LTBP1: variants seen among roughly 807,000 people sequenced by gnomAD.
The protein encoded by LTBP1 is latent transforming growth factor beta binding protein 1, also known as latent-transforming growth factor beta-binding protein 1.
LTBP1 carries 129 observed loss-of-function variants against 207.6 expected under a neutral mutation model. The observed-to-expected ratio is 0.62, with a 90% CI of 0.54 to 0.72. The LOEUF is 0.72. Ranked by LOEUF, LTBP1 falls within the 30% of genes least tolerant of loss-of-function variation. The pLI, the probability that LTBP1 is intolerant of heterozygous loss-of-function variation, is 0.00. For synonymous variants in LTBP1, 963 were observed against 833.7 expected (o/e 1.16, Z -2.67); for missense variants, 2,281 against 2,217.2 (o/e 1.03, Z -0.58).
intron 22 of LTBP1, among the ~76,000 whole-genome samples, chr2:33,304,716 A>G (rs1344496888): frequency 6.6e-6 from 1 of 152,094 alleles, no homozygotes; most frequent in Admixed American, 6.5e-5. Flanking sequence ...ATCCCTCACT[A>G]AGGTTGCTCC....
rs140965667 is a variant in LTBP1 at position 33,092,070 on chromosome 2, T to C, written c.864-18512T>C. Among the ~76,000 whole-genome samples the C allele has an allele frequency of 1.3e-4, 20 of 152,242 alleles. 1 individual carries two copies. The East Asian group carries it at 3.7e-3, about 28-fold the overall frequency. On this transcript the variant is annotated intron_variant, in intron 3 of 33. Transcript: ENST00000404816. ...TGTGAGGGAAATTACCTACTACAAA[T>C]TGTAGTAGTAGGTAATCTTGTTCTA...
At chr2:33,133,358 C>A (rs1300831498) in intron 4 of LTBP1, among the ~76,000 whole-genome samples, 1 of 152,148 alleles carries the variant, frequency 6.6e-6, no homozygotes, top group Admixed American at 6.5e-5. Flanking sequence ...GAGCCTCTCT[C>A]CCCTTTGGCC....
At chr2:33,351,825 T>C (rs1269041940) in intron 26 of LTBP1, among the ~76,000 whole-genome samples, 2 of 152,218 alleles carry the variant, frequency 1.3e-5, no homozygotes, top group African/African-American at 4.8e-5. Context: ...TCCTGTCTCA[T>C]TCTCAGGTTC....
At chr2:32,978,580 G>A (rs574506730) in intron 2 of LTBP1, among the ~76,000 whole-genome samples, 51 of 149,454 alleles carry the variant, frequency 3.4e-4, no homozygotes, top group African/African-American at 1.1e-3. Context: ...TCTTTTTAAT[G>A]TTTTGTTGAA....
At chr2:33,387,694 A>T (rs1478173808) in intron 31 of LTBP1, among the ~76,000 whole-genome samples, 1 of 151,696 alleles carries the variant, frequency 6.6e-6, no homozygotes, top group Non-Finnish European at 1.5e-5. Flanking sequence ...GTAGGAGCTG[A>T]TAAAAGAAAG....
intron 2 of LTBP1, among the ~76,000 whole-genome samples, chr2:32,969,475 C>G (rs1191004900): frequency 6.6e-6 from 1 of 151,690 alleles, no homozygotes. Flanking sequence ...TTCTTTATGT[C>G]CATGTGTACT....
At chr2:33,175,767 G>C (rs1480351546) in intron 5 of LTBP1, among the ~76,000 whole-genome samples, 1 of 152,086 alleles carries the variant, frequency 6.6e-6, no homozygotes, top group African/African-American at 2.4e-5. Flanking sequence ...ATGGCCAACA[G>C]TGATAGACTG....
At chr2:33,168,555 C>G (rs1474997074) in intron 5 of LTBP1, among the ~76,000 whole-genome samples, 1 of 152,020 alleles carries the variant, frequency 6.6e-6, no homozygotes, top group Non-Finnish European at 1.5e-5. Flanking sequence ...CCATTTGAAA[C>G]CAATCAGTAT....
intron 5 of LTBP1, among the ~76,000 whole-genome samples, chr2:33,146,020 C>A (rs2083003664): frequency 6.6e-6 from 1 of 152,110 alleles, no homozygotes; most frequent in African/African-American, 2.4e-5. Flanking sequence ...TTTTACCTGG[C>A]AGTTACTTGA....
Position 33,364,255 on chromosome 2 carries a change from G to A in LTBP1, c.4439G>A (p.Gly1480Asp), listed in dbSNP as rs1468614768. The A allele has an allele frequency of 3.7e-6, 6 of 1,613,904 alleles. No homozygotes were observed. The highest frequency in any genetic ancestry group is 5.1e-6 in the Non-Finnish European group (6 of 1,179,894). The change falls in exon 30 of 34, where the codon GGC (glycine) becomes GAC (aspartate). Residue 1480 changes from glycine (G) to aspartate (D), a missense_variant. Around this residue, in one of 3 missense-constraint regions of LTBP1, gnomAD observed 1,671 missense variants for 1,634.8 expected, o/e 1.02. Transcript: ENST00000404816. ...ECQDPSSCIDGQCVNTEGSYN... is the reference protein window; with the variant it reads ...ECQDPSSCIDDQCVNTEGSYN... Reference sequence around the variant, plus strand: ...CAAGACCCCAGTAGTTGTATTGATGGCCAGTGTGTTAATACAGAGGGCTCT... The same window carrying A: ...CAAGACCCCAGTAGTTGTATTGATGACCAGTGTGTTAATACAGAGGGCTCT...
chr2:33,111,699 CAA>C (rs1188434438), intron 4 of LTBP1, among the ~76,000 whole-genome samples: 1 of 152,126 alleles, frequency 6.6e-6, no homozygotes, highest in African/African-American at 2.4e-5. Flanking sequence ...GGTCATTTAA[CAA>C]AAAGAGTATC....
rs372856332 is a variant in LTBP1 at position 33,188,866 on chromosome 2, C to G, written c.1701+15C>G. On this transcript the variant is annotated intron_variant, in intron 7 of 33. Transcript: ENST00000404816. ...TTGGGTCACAGGTAAACATCATCAC[C>G]GAGCCTGCTTTAGCAGTGTCTTACA... 2 of 1,612,296 alleles carry G rather than the reference C, an allele frequency of 1.2e-6. No individual in the cohort carries two copies. The highest frequency in any genetic ancestry group is 2.2e-5 in the South Asian group (2 of 90,932).
chr2:33,355,139 G>A (rs151178988), intron 26 of LTBP1, among the ~76,000 whole-genome samples: 9 of 151,830 alleles, frequency 5.9e-5, no homozygotes, highest in Non-Finnish European at 7.4e-5. Flanking sequence ...ATTTATCCTC[G>A]CAGGCCCTCA....
intron 22 of LTBP1, among the ~76,000 whole-genome samples, chr2:33,305,179 C>T (rs559128732): frequency 5.9e-5 from 9 of 152,164 alleles, no homozygotes; most frequent in African/African-American, 2.2e-4. Flanking sequence ...GAAAAATTAT[C>T]TGGGTGTGGC....
intron 13 of LTBP1, among the ~76,000 whole-genome samples, chr2:33,262,231 G>A (rs1201444464): frequency 6.6e-6 from 1 of 152,220 alleles, no homozygotes; most frequent in Non-Finnish European, 1.5e-5. Flanking sequence ...GAAGGCCATA[G>A]TAACTGACTG....
chr2:33,045,991 T>G (rs942828380), intron 3 of LTBP1, among the ~76,000 whole-genome samples: 8 of 152,358 alleles, frequency 5.3e-5, no homozygotes, highest in African/African-American at 1.9e-4. Context: ...CTGAAGTTGC[T>G]TATCAGCTTA....
intron 3 of LTBP1, among the ~76,000 whole-genome samples, chr2:33,023,408 A>G (rs1157951419): frequency 1.3e-5 from 2 of 152,108 alleles, no homozygotes; most frequent in Admixed American, 6.5e-5. Flanking sequence ...GCCGCGGTGT[A>G]CTTTAGACAA....
rs375443334 is a variant in LTBP1, at chr2:33,305,485, A to T, written c.3481+3841A>T. On this transcript the variant is annotated intron_variant, in intron 22 of 33. Transcript: ENST00000404816. ...CTCGCTGGGATGATAACACTTAATC[A>T]TTTATGGGTAGAGCATTCAGTTCAA... 2.2e-3 allele frequency among the ~76,000 whole-genome samples: 339 copies of T among 152,330 alleles called. 2 individuals are homozygous for T. Among genetic ancestry groups the T allele is most frequent in the African/African-American group, 7.5e-3 (311 of 41,584 alleles).
intron 22 of LTBP1, among the ~76,000 whole-genome samples, chr2:33,307,314 A>C (rs1166071007): frequency 3.9e-5 from 6 of 152,214 alleles, no homozygotes; most frequent in Non-Finnish European, 8.8e-5. Flanking sequence ...TCATATGTTC[A>C]CACAAAGACT....
Sources: gnomAD v4.1 joint callset for allele counts (sites outside exome capture counted in the v4.1 genomes callset) on GRCh38, gnomAD v4.1.1 for gene constraint, gnomAD v4.1.1 regional missense constraint, MANE v1.5 for transcripts, NCBI Gene and HGNC (gene_info 2026-07-23, HGNC 2026-07-21) for gene names.